C4orf51: variants seen among roughly 807,000 people sequenced by gnomAD.
The protein encoded by C4orf51 is uncharacterized protein C4orf51.
In C4orf51, 25 loss-of-function variants were observed where a neutral mutation model predicts 25.2. The ratio of observed to expected loss-of-function variants is 0.99; its 90% CI spans 0.72 to 1.39. The LOEUF (loss-of-function observed/expected upper bound fraction) is 1.39. Ranked by LOEUF, C4orf51 falls within the 40% of genes most tolerant of loss-of-function variation. C4orf51 has a pLI of 0.00. For synonymous variants in C4orf51, 100 were observed against 84.5 expected (o/e 1.18, Z -1.01); for missense variants, 252 against 239.6 (o/e 1.05, Z -0.34).
rs368437501 is a variant in C4orf51 at position 145,720,364 on chromosome 4, C to T, written c.308-6547C>T. ...TCCAGAAATGGGGCCAACAGGAAGA[C>T]TCTCACTTCTCACTTCTCCTCAGCT... On this transcript the variant is annotated intron_variant, in intron 2 of 5. Coordinates refer to ENST00000438731, the MANE Select transcript of C4orf51 (RefSeq NM_001080531.3). Among the ~76,000 whole-genome samples the T allele has an allele frequency of 2.5e-4, 38 of 152,150 alleles. No individual in the cohort carries two copies. In the East Asian group the frequency reaches 5.0e-3, roughly 20 times the overall value.
At chr4:145,702,683 T>C (rs1458174304) in intron 2 of C4orf51, among the ~76,000 whole-genome samples, 1 of 152,222 alleles carries the variant, frequency 6.6e-6, no homozygotes, top group Non-Finnish European at 1.5e-5. Flanking sequence ...GGCAGAACTA[T>C]GCTGAATCTC....
At chr4:145,727,628 C>T (rs1470014386) in intron 3 of C4orf51, among the ~76,000 whole-genome samples, 1 of 151,454 alleles carries the variant, frequency 6.6e-6, no homozygotes, top group Non-Finnish European at 1.5e-5. Flanking sequence ...GTAATCCCAG[C>T]ACTTTGGGAG....
At chr4:145,731,562 A>ATTTT (rs1732465657) in intron 5 of C4orf51, among the ~76,000 whole-genome samples, 2 of 93,246 alleles carry the variant, frequency 2.1e-5, no homozygotes, top group South Asian at 3.6e-4. Context: ...GACAAGGCAA[A>ATTTT]TCTTTTTTTT....
chr4:145,732,314 T>C, intron 5 of C4orf51, 139 bp from the exon 6 acceptor site: 1 of 592,804 alleles, frequency 1.7e-6, no homozygotes, highest in South Asian at 2.2e-5. Context: ...TTAAGAGAGA[T>C]GGAAGAAAAT....
chr4:145,686,472 A>C (rs1254224827), intron 1 of C4orf51, among the ~76,000 whole-genome samples: 1 of 152,234 alleles, frequency 6.6e-6, no homozygotes, highest in Non-Finnish European at 1.5e-5. Flanking sequence ...AACTTGTAGA[A>C]TGCAGAGAGG....
At chr4:145,685,477 C>T (rs140349113) in intron 1 of C4orf51, among the ~76,000 whole-genome samples, 1 of 152,136 alleles carries the variant, frequency 6.6e-6, no homozygotes, top group African/African-American at 2.4e-5. Flanking sequence ...ATTCCTGTCC[C>T]TTTTAAGGGC....
the C4orf51 span, among the ~76,000 whole-genome samples, chr4:145,782,647 A>G: frequency 6.6e-6 from 1 of 152,152 alleles, no homozygotes; most frequent in Non-Finnish European, 1.5e-5. Flanking sequence ...CTCACCTCAC[A>G]GATTCCAGAA....
At chr4:145,752,629 T>C (rs1181303364) in intron 1 of C4orf51, among the ~76,000 whole-genome samples, 2 of 152,204 alleles carry the variant, frequency 1.3e-5, no homozygotes, top group Non-Finnish European at 2.9e-5. Flanking sequence ...AGGGTTGGCA[T>C]GGGCACTCCC....
At chr4:145,694,459 G>A (rs1578936213) in intron 1 of C4orf51, among the ~76,000 whole-genome samples, 1 of 105,200 alleles carries the variant, frequency 9.5e-6, no homozygotes, top group Admixed American at 8.9e-5. Context: ...GAAGTGAGGA[G>A]CCCCTCTGCC....
At chr4:145,760,080 T>C (rs1215740825) in intron 1 of C4orf51, 1 of 152,236 alleles carries the variant, frequency 6.6e-6, no homozygotes, top group Non-Finnish European at 1.5e-5. Flanking sequence ...AGAGAAGATC[T>C]GAGCGCAAGG....
downstream of C4orf51, chr4:145,775,861 G>A (rs374546381): frequency 1.2e-6 from 2 of 1,614,060 alleles, no homozygotes; most frequent in African/African-American, 1.3e-5. Context: ...CTCGGTGTCT[G>A]TACTCACCAG....
chr4:145,752,958 T>C (rs1733752825), intron 1 of C4orf51, among the ~76,000 whole-genome samples: 1 of 149,160 alleles, frequency 6.7e-6, no homozygotes, highest in African/African-American at 2.6e-5. Flanking sequence ...ACAATCGCTG[T>C]GCTCTCACTC....
downstream of C4orf51, among the ~76,000 whole-genome samples, chr4:145,755,663 GCCC>G (rs1257283813): frequency 6.6e-6 from 1 of 152,176 alleles, no homozygotes; most frequent in Non-Finnish European, 1.5e-5. Context: ...AAAACGGGGT[GCCC>G]CAATTTCTGG....
intron 2 of C4orf51, among the ~76,000 whole-genome samples, chr4:145,701,348 A>G (rs889388868): frequency 2.0e-5 from 3 of 151,654 alleles, no homozygotes; most frequent in Non-Finnish European, 4.4e-5. Context: ...TTCCTCCAGA[A>G]CCTCCTCCCC....
chr4:145,734,961 G>A (rs1438278823), downstream of C4orf51, among the ~76,000 whole-genome samples: 1 of 152,212 alleles, frequency 6.6e-6, no homozygotes, highest in Non-Finnish European at 1.5e-5. Context: ...ATAAAGCAGG[G>A]GCCACCCCGG....
intron 1 of C4orf51, among the ~76,000 whole-genome samples, chr4:145,753,400 A>G (rs1440726534): frequency 2.0e-5 from 3 of 151,950 alleles, no homozygotes; most frequent in Non-Finnish European, 4.4e-5. Context: ...TATACATTCT[A>G]TGTATCCATG....
intron 2 of C4orf51, among the ~76,000 whole-genome samples, chr4:145,725,721 C>G (rs1732018856): frequency 6.6e-6 from 1 of 151,598 alleles, no homozygotes; most frequent in Non-Finnish European, 1.5e-5. Flanking sequence ...TATGAAATGT[C>G]CAGTAAAGGC....
chr4:145,733,182 G>A (rs1377825883), downstream of C4orf51, among the ~76,000 whole-genome samples: 14 of 149,428 alleles, frequency 9.4e-5, no homozygotes, highest in Admixed American at 4.0e-4. Flanking sequence ...CCCCTCCCCG[G>A]TCCGCCTCTT....
intron 1 of C4orf51, among the ~76,000 whole-genome samples, chr4:145,690,505 AAATAAT>A (rs751273348): frequency 4.0e-5 from 6 of 151,780 alleles, no homozygotes; most frequent in Admixed American, 3.9e-4. Flanking sequence ...CTCCATCTCA[AAATAAT>A]AATAATAATA....
Sources: allele counts gnomAD v4.1 joint callset (sites outside exome capture counted in the v4.1 genomes callset), GRCh38; gene constraint gnomAD v4.1.1; transcripts MANE v1.5; gene names NCBI Gene and HGNC (gene_info 2026-07-23, HGNC 2026-07-21).